The following VCAN variants were observed in gnomAD, a reference collection of about 807,000 sequenced individuals.
VCAN encodes versican core protein.
A neutral mutation model predicts 245.5 loss-of-function variants in VCAN; 44 were observed. That is an observed-to-expected ratio of 0.18 (90% CI 0.14 to 0.23). VCAN has a LOEUF of 0.23. Among genes scored for constraint, VCAN ranks in the 10% least tolerant of loss-of-function variants. The probability of loss-of-function intolerance (pLI) is 1.00; values close to 1 mark genes in which losing one functional copy is unlikely to be tolerated. For synonymous variants in VCAN, 1,413 were observed against 1,437.0 expected, an observed-to-expected ratio of 0.98 and a Z score of 0.38; for missense variants, 3,793 against 4,057.9, an observed-to-expected ratio of 0.93 and a Z score of 1.77.
chr5:83,503,049 T>A (rs1414453022), intron 5 of VCAN, among the ~76,000 whole-genome samples: 1 of 152,214 alleles, frequency 6.6e-6, no homozygotes, highest in Admixed American at 6.5e-5. Flanking sequence ...ATTGACATGC[T>A]TTTAAATTAT....
At chr5:83,533,266 C>T (rs749558526) in intron 7 of VCAN, among the ~76,000 whole-genome samples, 19 of 152,012 alleles carry the variant, frequency 1.2e-4, no homozygotes, top group African/African-American at 7.3e-5. Flanking sequence ...CAAATAGTTG[C>T]GAGGTGGGTG....
intron 13 of VCAN, among the ~76,000 whole-genome samples, chr5:83,579,679 T>C (rs1301485742): frequency 1.3e-5 from 2 of 152,216 alleles, no homozygotes; most frequent in African/African-American, 2.4e-5. Context: ...GTATGCTTTT[T>C]AATTTGGAAA....
At chr5:83,524,897 CATGTGTGA>C (rs1746235031) in intron 7 of VCAN, among the ~76,000 whole-genome samples, 1 of 152,028 alleles carries the variant, frequency 6.6e-6, no homozygotes, top group African/African-American at 2.4e-5. Flanking sequence ...GTCCTTGGTG[CATGTGTGA>C]ACTTGTATAA....
intron 1 of VCAN, among the ~76,000 whole-genome samples, chr5:83,473,681 C>T (rs1321522077): frequency 6.6e-6 from 1 of 152,200 alleles, no homozygotes; most frequent in Non-Finnish European, 1.5e-5. Flanking sequence ...ACTTGCAGAA[C>T]CTAGATGTCT....
rs1245716289 is a variant in VCAN at position 83,540,847 on chromosome 5, A to C, written c.7844A>C (p.Asp2615Ala). ...PHDSNDESNDDSTQVQEIYEA... is the reference protein window; with the variant it reads ...PHDSNDESNDASTQVQEIYEA... ...GACAGTAATGATGAAAGTAATGATGACAGCACTCAAGTTCAAGAGATCTAT... is the reference window on the plus strand; with the variant it reads ...GACAGTAATGATGAAAGTAATGATGCCAGCACTCAAGTTCAAGAGATCTAT... The change falls in exon 8 of 15, where the codon GAC (aspartate) becomes GCC (alanine). Residue 2615 changes from aspartate to alanine, a missense_variant. By Grantham distance (126) the Asp-to-Ala change is moderately radical (BLOSUM62 -2). Around this residue, in one of 5 missense-constraint regions of VCAN, gnomAD observed 3,182 missense variants for 3,250.3 expected, o/e 0.98. Transcript: ENST00000265077. 2 of 1,613,942 alleles carry C rather than the reference A, an allele frequency of 1.2e-6. No homozygotes were observed. Among genetic ancestry groups the C allele is most frequent in the Non-Finnish European group, 8.5e-7 (1 of 1,179,998 alleles).
intron 5 of VCAN, among the ~76,000 whole-genome samples, chr5:83,501,010 G>A (rs986282496): frequency 5.3e-5 from 8 of 152,158 alleles, no homozygotes; most frequent in African/African-American, 1.9e-4. Context: ...ATCTTAATGA[G>A]TGTAAAGTAG....
chr5:83,539,675 T>G lies in VCAN; in HGVS notation c.6672T>G (p.Asp2224Glu), dbSNP rs183187115. 1.9e-6 allele frequency: 3 copies of G among 1,613,714 alleles called. No homozygotes were observed. The African/African-American group carries it at 4.0e-5, about 22-fold the overall frequency. Reference protein sequence around the residue: ...ESIPAEHVVTDSPIKKEESTK... With the variant: ...ESIPAEHVVTESPIKKEESTK... ...TACCAGCTGAACATGTAGTCACAGA[T>G]TCACCAATCAAAAAGGAAGAAAGTA... Residue 2224 changes from aspartate (D) to glutamate (E), a missense_variant, in exon 8 of 15, where the codon GAT (aspartate) becomes GAG (glutamate). Coordinates refer to ENST00000265077, the MANE Select transcript of VCAN (RefSeq NM_004385.5).
At position 83,539,065 on chromosome 5, in the gene VCAN, CTGT is replaced by C. The variant is rs748839405; in HGVS notation, c.6067_6069del (p.Val2023del). On this transcript the variant is annotated inframe_deletion, in exon 8 of 15. Coordinates refer to ENST00000265077, the MANE Select transcript of VCAN (RefSeq NM_004385.5). ...GAGCAACTGGTCACAGTCAGCAGCT[CTGT>C]TGTTCCAGTGCTTCCCAGTGCTGTG... 1 of 1,613,902 alleles carries C rather than the reference CTGT, an allele frequency of 6.2e-7. No individual in the cohort carries two copies.
chr5:83,532,267 G>A (rs1050524230), intron 7 of VCAN, among the ~76,000 whole-genome samples: 3 of 152,026 alleles, frequency 2.0e-5, no homozygotes, highest in African/African-American at 7.2e-5. Context: ...ACAGGAAATG[G>A]GGATGAAGAG....
chr5:83,575,175 G>T (rs1048132348), intron 13 of VCAN, among the ~76,000 whole-genome samples: 1 of 152,054 alleles, frequency 6.6e-6, no homozygotes. Flanking sequence ...CCAATAATGA[G>T]AAATTCTATT....
At position 83,545,533 on chromosome 5, in the gene VCAN, G is replaced by T; in HGVS notation, c.9266-4G>T. 1 of 1,613,498 alleles carries T rather than the reference G, an allele frequency of 6.2e-7. No individual in the cohort carries two copies. The highest frequency in any genetic ancestry group is 8.5e-7 in the Non-Finnish European group (1 of 1,179,492). ...TGCTTTTCTTACTTTCCTGAATATG[G>T]TAGGACCTGATCGCTGCAAAATGAA... On this transcript the variant is annotated splice_region_variant and splice_polypyrimidine_tract_variant and intron_variant, in intron 8 of 14. Coordinates refer to ENST00000265077, the MANE Select transcript of VCAN (RefSeq NM_004385.5).
intron 10 of VCAN, among the ~76,000 whole-genome samples, chr5:83,550,285 C>G (rs1747408923): frequency 6.6e-6 from 1 of 152,170 alleles, no homozygotes; most frequent in African/African-American, 2.4e-5. Flanking sequence ...TGAACAGGAG[C>G]TGTGCACACT....
At chr5:83,501,670 C>T (rs1745333213) in intron 5 of VCAN, among the ~76,000 whole-genome samples, 2 of 152,106 alleles carry the variant, frequency 1.3e-5, no homozygotes, top group Admixed American at 6.5e-5. Flanking sequence ...ATGCCAGTAC[C>T]ACAATGTCTT....
At chr5:83,486,727 C>T (rs1349933317) in intron 2 of VCAN, among the ~76,000 whole-genome samples, 3 of 152,204 alleles carry the variant, frequency 2.0e-5, no homozygotes, top group Non-Finnish European at 4.4e-5. Flanking sequence ...TAGCCAACAA[C>T]ATTGAGTAAT....
Position 83,540,817 on chromosome 5 carries a change from C to G in VCAN, c.7814C>G (p.Pro2605Arg). 1 of 1,613,958 alleles carries G rather than the reference C, an allele frequency of 6.2e-7. No homozygotes were observed. The highest frequency in any genetic ancestry group is 8.5e-7 in the Non-Finnish European group (1 of 1,179,968). ...ATAGATACAGAGGTACCATCAGAAC[C>G]ACATGACAGTAATGATGAAAGTAAT... The part of the protein sequence containing the change: ...TDIDTEVPSE[P>R]HDSNDESNDD... The change falls in exon 8 of 15, where the codon CCA (proline) becomes CGA (arginine). Residue 2605 changes from proline to arginine, a missense_variant. Coordinates refer to ENST00000265077, the MANE Select transcript of VCAN (RefSeq NM_004385.5).
chr5:83,494,054 T>C, intron 5 of VCAN, 123 bp downstream of exon 5: 1 of 1,496,218 alleles, frequency 6.7e-7, no homozygotes, highest in Non-Finnish European at 9.2e-7. Context: ...ATTTTGTTTA[T>C]ACGACTGTAT....
In VCAN at chr5:83,512,304, G is replaced by A. The variant is rs1745691263; in HGVS notation, c.950G>A (p.Gly317Asp). Residue 317 changes from glycine (G) to aspartate (D), a missense_variant, in exon 6 of 15, where the codon GGT becomes GAT. Gly to Asp is a moderately conservative substitution (Grantham distance 94). Coordinates refer to ENST00000265077, the MANE Select transcript of VCAN (RefSeq NM_004385.5). ...ACTGTGGCCAGGGCCCAGTGTGGAG[G>A]TGGTCTACTTGGGGTGAGAACCCTG... ...PVTVARAQCG[G>D]GLLGVRTLYR... 1 of 1,613,898 alleles carries A rather than the reference G, an allele frequency of 6.2e-7. No homozygotes were observed.
chr5:83,518,236 A>ATTTTTTT (rs5869182), intron 6 of VCAN, among the ~76,000 whole-genome samples: 3 of 151,922 alleles, frequency 2.0e-5, no homozygotes, highest in East Asian at 3.9e-4. Context: ...AAAAATACTG[A>ATTTTTTT]TTTTTATTTT....
In VCAN at chr5:83,512,094, T is replaced by C. The variant is rs1007758942; in HGVS notation, c.749-9T>C. The C allele has an allele frequency of 6.2e-7, 1 of 1,614,046 alleles. No individual in the cohort carries two copies. The highest frequency in any genetic ancestry group is 2.2e-5 in the East Asian group (1 of 44,888). On this transcript the variant is annotated splice_polypyrimidine_tract_variant and intron_variant, in intron 5 of 14. Transcript: ENST00000265077. ...ACTTTGGGCTTTTTTTCCCTTCTTTTTTTTCCAGGTGATGTGTTCCACCTC... is the reference window on the plus strand; with the variant it reads ...ACTTTGGGCTTTTTTTCCCTTCTTTCTTTTCCAGGTGATGTGTTCCACCTC...
Sources: allele counts gnomAD v4.1 joint callset (sites outside exome capture counted in the v4.1 genomes callset), GRCh38; gene constraint gnomAD v4.1.1; regional missense constraint gnomAD v4.1.1; transcripts MANE v1.5; gene names NCBI Gene and HGNC (gene_info 2026-07-23, HGNC 2026-07-21).